Variants in IL3RA observed in about 807,000 individuals in gnomAD.
The protein encoded by IL3RA is interleukin 3 receptor subunit alpha.
A neutral mutation model predicts 52.3 loss-of-function variants in IL3RA; 73 were observed. That is an observed-to-expected ratio of 1.40 (90% CI 1.16 to 1.70). IL3RA has a LOEUF of 1.70. Ranked by LOEUF, IL3RA falls within the 40% of genes most tolerant of loss-of-function variation. IL3RA has a pLI of 0.00. For missense variants in IL3RA, 664 were observed against 504.4 expected (o/e 1.32, Z -3.03); for synonymous variants, 260 against 194.0 (o/e 1.34, Z -2.83).
intron 10 of IL3RA, among the ~76,000 whole-genome samples, chrX:1,379,819 G>T (rs1419214685): frequency 6.6e-6 from 1 of 152,168 alleles, no homozygotes; most frequent in African/African-American, 2.4e-5. Flanking sequence ...GAGTGCAATG[G>T]CGCCATCTCG....
Position 1,357,333 on chromosome X carries a change from T to C in IL3RA, c.732+997T>C, listed in dbSNP as rs141736485. Among the ~76,000 whole-genome samples the C allele has an allele frequency of 7.4e-3, 1,116 of 151,492 alleles. 18 individuals are homozygous for C. Among genetic ancestry groups the C allele is most frequent in the African/African-American group, 0.026 (1,046 of 41,010 alleles). ...TTATTTTTGAGACGGAGTCCTGCTC[T>C]GTCACCCAAGCTGTTTGTTTGTTTG... is the stretch of plus-strand genomic sequence containing the variant. On this transcript the variant is annotated intron_variant, in intron 7 of 11. Transcript: ENST00000331035.
chrX:1,357,560 CA>C (rs2086833629), intron 7 of IL3RA, among the ~76,000 whole-genome samples: 2 of 150,866 alleles, frequency 1.3e-5, no homozygotes, highest in African/African-American at 4.9e-5. Context: ...GATGGGGTTT[CA>C]CCATCTTGTC....
intron 4 of IL3RA, among the ~76,000 whole-genome samples, chrX:1,349,654 TTTTG>T (rs1166604973): frequency 7.0e-6 from 1 of 142,014 alleles, no homozygotes; most frequent in African/African-American, 3.1e-5. Flanking sequence ...TGGTTTATTT[TTTTG>T]TTTTGTTTTG....
At chrX:1,353,523 T>C (rs1288331542) in intron 6 of IL3RA, among the ~76,000 whole-genome samples, 3 of 149,890 alleles carry the variant, frequency 2.0e-5, no homozygotes, top group East Asian at 2.0e-4. Context: ...CCACATGGGA[T>C]CCCTCATCAT....
intron 6 of IL3RA, 70 bp from the exon 7 acceptor site, chrX:1,356,151 A>C: frequency 4.8e-6 from 5 of 1,031,344 alleles, no homozygotes; most frequent in Non-Finnish European, 7.4e-6. Flanking sequence ...CTCCAGAAAA[A>C]AAAAGAGAAA....
intron 8 of IL3RA, among the ~76,000 whole-genome samples, chrX:1,362,799 A>G (rs1278600480): frequency 8.6e-5 from 13 of 150,912 alleles, no homozygotes; most frequent in Non-Finnish European, 1.9e-4. Flanking sequence ...ATTTTGAGAC[A>G]GAGTCTCGCT....
intron 10 of IL3RA, among the ~76,000 whole-genome samples, chrX:1,380,711 G>A (rs1477334100): frequency 1.7e-4 from 26 of 148,802 alleles, no homozygotes; most frequent in Admixed American, 1.5e-3. Context: ...AGAGGGGGAC[G>A]AGGCCCTTCC....
intron 1 of IL3RA, among the ~76,000 whole-genome samples, chrX:1,338,637 C>T (rs2085384729): frequency 1.3e-5 from 2 of 152,322 alleles, no homozygotes; most frequent in Admixed American, 1.3e-4. Context: ...CAAAAAGATA[C>T]ATAGTGTCTG....
chrX:1,343,733 G>C (rs1236610704), intron 2 of IL3RA, among the ~76,000 whole-genome samples: 24 of 147,386 alleles, frequency 1.6e-4, no homozygotes, highest in African/African-American at 5.2e-4. Flanking sequence ...GAAATATCTT[G>C]AGCTCTGTGA....
chrX:1,379,165 T>A (rs1460651274), intron 10 of IL3RA, among the ~76,000 whole-genome samples: 2 of 137,344 alleles, frequency 1.5e-5, no homozygotes, highest in Non-Finnish European at 3.1e-5. Flanking sequence ...ATTGTTATGA[T>A]TATTATTATT....
intron 9 of IL3RA, among the ~76,000 whole-genome samples, chrX:1,368,139 G>C (rs2088312430): frequency 6.6e-6 from 1 of 152,118 alleles, no homozygotes; most frequent in Non-Finnish European, 1.5e-5. Flanking sequence ...GGCGCCTGTA[G>C]TCCCAGCTAC....
At chrX:1,361,763 A>G (rs1192338208) in intron 8 of IL3RA, among the ~76,000 whole-genome samples, 1 of 150,654 alleles carries the variant, frequency 6.6e-6, no homozygotes, top group African/African-American at 2.5e-5. Context: ...GAGAAAAAAA[A>G]AAAAAAAAAA....
In IL3RA at chrX:1,345,934, G is replaced by A. The variant is rs143653198; in HGVS notation, c.183+500G>A. ...ATTTGAAGTGACTTTGGAGGGTCTGGTTCCCCGTCCGCGGGACATCTAAGA... is the reference window on the plus strand; with the variant it reads ...ATTTGAAGTGACTTTGGAGGGTCTGATTCCCCGTCCGCGGGACATCTAAGA... On this transcript the variant is annotated intron_variant, in intron 3 of 11. Transcript: ENST00000331035. 5.9e-3 allele frequency among the ~76,000 whole-genome samples: 895 copies of A among 152,124 alleles called. 36 individuals are homozygous for A. Among genetic ancestry groups the A allele is most frequent in the African/African-American group, 0.021 (863 of 41,398 alleles).
At chrX:1,360,097 C>A (rs1465597446) in intron 8 of IL3RA, among the ~76,000 whole-genome samples, 1 of 147,880 alleles carries the variant, frequency 6.8e-6, no homozygotes. Flanking sequence ...CTCTCTCTCC[C>A]GGTCTCTATC....
chrX:1,341,048 C>T (rs866014944), intron 1 of IL3RA, among the ~76,000 whole-genome samples: 1 of 151,966 alleles, frequency 6.6e-6, no homozygotes, highest in Non-Finnish European at 1.5e-5. Flanking sequence ...ACCTGGGAGG[C>T]GGAGGTTGCA....
intron 3 of IL3RA, among the ~76,000 whole-genome samples, chrX:1,347,503 T>A (rs2085802382): frequency 6.6e-6 from 1 of 151,004 alleles, no homozygotes; most frequent in African/African-American, 2.4e-5. Context: ...TAATGAAATG[T>A]GGCCGGGTGC....
At chrX:1,362,399 TTTTC>T (rs1290724986) in intron 8 of IL3RA, among the ~76,000 whole-genome samples, 28 of 151,198 alleles carry the variant, frequency 1.9e-4, no homozygotes, top group East Asian at 3.9e-4. Flanking sequence ...CTGTTTCTGT[TTTTC>T]TTTCTTTTTC....
At chrX:1,364,785 T>C (rs1252938835) in intron 8 of IL3RA, among the ~76,000 whole-genome samples, 2 of 130,926 alleles carry the variant, frequency 1.5e-5, no homozygotes, top group African/African-American at 5.3e-5. Flanking sequence ...GCCCCTCTTT[T>C]CTTCTTTTAT....
rs753662000 is a variant in IL3RA at position 1,360,827 on chromosome X, C to T, written c.759+1940C>T. ...ACAGGTGTGAGCCACCGTGCCCGGC[C>T]CCTCTCTTTATCTTTCTAGCTCTCT... On this transcript the variant is annotated intron_variant, in intron 8 of 11. Coordinates refer to ENST00000331035, the MANE Select transcript of IL3RA (RefSeq NM_002183.4). Among the ~76,000 whole-genome samples the T allele has an allele frequency of 2.0e-5, 3 of 151,990 alleles. No individual in the cohort carries two copies. The South Asian group carries it at 6.2e-4, about 32-fold the overall frequency.
Sources: gnomAD v4.1 joint callset for allele counts (sites outside exome capture counted in the v4.1 genomes callset) on GRCh38, gnomAD v4.1.1 for gene constraint, MANE v1.5 for transcripts, NCBI Gene and HGNC (gene_info 2026-07-23, HGNC 2026-07-21) for gene names.